Variants in POMK observed in about 807,000 individuals in gnomAD.
POMK encodes the protein Sugen kinase 196.
POMK carries 19 observed loss-of-function variants against 23.0 expected under a neutral mutation model. The observed-to-expected ratio is 0.83, with a 90% CI of 0.58 to 1.21. POMK has a LOEUF of 1.21. POMK is among the 50% of genes most tolerant of loss of function. The pLI is 0.00. For synonymous variants in POMK, 173 were observed against 171.6 expected (o/e 1.01, Z -0.06); for missense variants, 410 against 431.3 (o/e 0.95, Z 0.44).
chr8:43,122,619 C>T lies in POMK; in HGVS notation c.795C>T (p.Asp265=), dbSNP rs36071326. 4,191 of 1,614,146 alleles carry T rather than the reference C, an allele frequency of 2.6e-3. 93 individuals carry two copies. In the African/African-American group the frequency reaches 0.051, roughly 20 times the overall value. Residue 265 remains aspartate, a synonymous_variant, in exon 5 of 5, where the codon GAC becomes GAT. Coordinates refer to ENST00000331373, the MANE Select transcript of POMK (RefSeq NM_032237.5). ...AGCAACTGTGGCCCTATGGAGAGGA[C>T]GTGCCTTTCCACGATGATCTCATGC... ...APEQLWPYGE[D]VPFHDDLMPS...
intron 4 of POMK, among the ~76,000 whole-genome samples, chr8:43,120,162 G>C (rs1438330318): frequency 6.6e-6 from 1 of 151,232 alleles, no homozygotes; most frequent in Non-Finnish European, 1.5e-5. Context: ...GTTTTATGCA[G>C]TTGGAACAAT....
chr8:43,099,189 G>T (rs1811391065), intron 2 of POMK, among the ~76,000 whole-genome samples: 1 of 152,236 alleles, frequency 6.6e-6, no homozygotes, highest in African/African-American at 2.4e-5. Context: ...AGGCTCAAGC[G>T]ATCCTCCCAC....
chr8:43,119,976 A>C (rs1275024602), intron 4 of POMK, among the ~76,000 whole-genome samples: 3 of 146,734 alleles, frequency 2.0e-5, no homozygotes, highest in Admixed American at 6.8e-5. Flanking sequence ...TTTTTCTGAA[A>C]TTTTATATAT....
intron 1 of POMK, among the ~76,000 whole-genome samples, chr8:43,096,389 A>G (rs948254482): frequency 3.3e-5 from 5 of 152,156 alleles, no homozygotes; most frequent in Admixed American, 3.3e-4. Flanking sequence ...TGGGCCGGAC[A>G]TGGTGGCTCA....
intron 1 of POMK, among the ~76,000 whole-genome samples, chr8:43,096,730 T>C (rs1811343063): frequency 6.6e-6 from 1 of 152,144 alleles, no homozygotes; most frequent in South Asian, 2.1e-4. Flanking sequence ...GAAACTTCCA[T>C]GTATGCCTGG....
chr8:43,103,819 G>A lies in POMK; in HGVS notation c.271G>A (p.Ala91Thr), dbSNP rs1365587547. ...ACAGCTGAAGCGTGTTGGGGAAGGA[G>A]CTGTAAAGAGAGTGAGTCCGGGTTC... is the stretch of plus-strand genomic sequence containing the variant. The part of the protein sequence containing the change: ...VRQLKRVGEG[A>T]VKRVFLSEWK... Residue 91 changes from alanine to threonine, a missense_variant, in exon 4 of 5, where the codon GCT becomes ACT. Ala to Thr is a moderately conservative substitution (Grantham distance 58). Transcript: ENST00000331373. 1.4e-5 allele frequency: 23 copies of A among 1,614,040 alleles called. No individual in the cohort carries two copies. Among genetic ancestry groups the A allele is most frequent in the Non-Finnish European group, 1.9e-5 (23 of 1,180,008 alleles).
chr8:43,095,617 G>C (rs1811318780), intron 1 of POMK, among the ~76,000 whole-genome samples: 1 of 152,136 alleles, frequency 6.6e-6, no homozygotes, highest in Non-Finnish European at 1.5e-5. Flanking sequence ...AGTTACATGG[G>C]TCTGGTGAAT....
intron 4 of POMK, among the ~76,000 whole-genome samples, chr8:43,113,122 G>T (rs1184545212): frequency 2.0e-5 from 3 of 152,164 alleles, no homozygotes; most frequent in Non-Finnish European, 4.4e-5. Context: ...TATCTTTGTG[G>T]CATTTTCTGT....
chr8:43,119,653 C>T (rs1416352512), intron 4 of POMK, among the ~76,000 whole-genome samples: 9 of 151,968 alleles, frequency 5.9e-5, no homozygotes, highest in East Asian at 1.9e-4. Flanking sequence ...AGGCTGGTCT[C>T]GATCTCCTGA....
In POMK at chr8:43,123,046, T is replaced by G; in HGVS notation, c.*169T>G. The G allele has an allele frequency of 1.6e-6, 1 of 616,824 alleles. No homozygotes were observed. Among genetic ancestry groups the G allele is most frequent in the Non-Finnish European group, 2.8e-6 (1 of 358,566 alleles). The allele number at this position is 616,824 out of a possible 1,614,324, so 38.2% of individuals were successfully genotyped here. A position where few individuals can be genotyped will look rare whatever the true frequency, so the allele number is the denominator to read the frequency against. Reference sequence around the variant, plus strand: ...CATGTACGTTTGTATGTAGTCCACATTGGTTGTTAGATTTTTTTTTTTTTC... The same window carrying G: ...CATGTACGTTTGTATGTAGTCCACAGTGGTTGTTAGATTTTTTTTTTTTTC... On this transcript the variant is annotated 3_prime_UTR_variant, in exon 5 of 5. Transcript: ENST00000331373.
intron 4 of POMK, among the ~76,000 whole-genome samples, chr8:43,120,531 T>C: frequency 6.6e-6 from 1 of 151,990 alleles, no homozygotes; most frequent in Non-Finnish European, 1.5e-5. Context: ...GTACCATTAC[T>C]TTTATCTGTT....
In POMK at chr8:43,122,236, C is replaced by G; in HGVS notation, c.412C>G (p.Leu138Val). The change falls in exon 5 of 5, where the codon CTT becomes GTT. Residue 138 changes from leucine to valine, a missense_variant. Transcript: ENST00000331373. ...SLQGTHVVTL[L>V]GYCEDDNTML... ...CCAAGGCACACATGTTGTCACGCTG[C>G]TTGGCTATTGTGAGGATGACAACAC... The G allele has an allele frequency of 6.2e-7, 1 of 1,614,202 alleles. No homozygotes were observed. Among genetic ancestry groups the G allele is most frequent in the Non-Finnish European group, 8.5e-7 (1 of 1,180,038 alleles).
chr8:43,099,029 C>T (rs1811388244), intron 2 of POMK, among the ~76,000 whole-genome samples: 1 of 152,244 alleles, frequency 6.6e-6, no homozygotes, highest in Non-Finnish European at 1.5e-5. Flanking sequence ...TCACTGCAGC[C>T]TTGGTCTCCT....
rs1437225973 is a variant in POMK at position 43,119,341 on chromosome 8, T to TA, written c.283-2759dup. Reference sequence around the variant, plus strand: ...AGAGCGTGTGTTCAATATGAAAATTTAAAAAAATCTTGAACTTTTAGAATG... The same window carrying TA: ...AGAGCGTGTGTTCAATATGAAAATTTAAAAAAAATCTTGAACTTTTAGAATG... On this transcript the variant is annotated intron_variant, in intron 4 of 4. Transcript: ENST00000331373. Among the ~76,000 whole-genome samples, 7 of 151,890 alleles carry TA rather than the reference T, an allele frequency of 4.6e-5. No individual in the cohort carries two copies. The East Asian group carries it at 1.2e-3, about 25-fold the overall frequency.
chr8:43,112,186 G>A (rs982938474), intron 4 of POMK, among the ~76,000 whole-genome samples: 1 of 152,178 alleles, frequency 6.6e-6, no homozygotes, highest in Non-Finnish European at 1.5e-5. Context: ...TTAGACGAAT[G>A]GCTAACTAGA....
chr8:43,117,340 A>G (rs1289493753), intron 4 of POMK, among the ~76,000 whole-genome samples: 1 of 152,232 alleles, frequency 6.6e-6, no homozygotes, highest in Non-Finnish European at 1.5e-5. Flanking sequence ...AAGAAAAAAT[A>G]CATTTACTGT....
intron 2 of POMK, among the ~76,000 whole-genome samples, chr8:43,098,907 T>A (rs1445616517): frequency 6.6e-6 from 1 of 152,228 alleles, no homozygotes; most frequent in Non-Finnish European, 1.5e-5. Flanking sequence ...GTATCTACTT[T>A]GGAGAAATGT....
intron 4 of POMK, 141 bp from the exon 5 acceptor site, chr8:43,121,966 A>G (rs1476007772): frequency 1.3e-6 from 1 of 796,568 alleles, no homozygotes; most frequent in Non-Finnish European, 2.0e-6. Context: ...CTAGACGGAG[A>G]GCAACTCTAC....
intron 2 of POMK, among the ~76,000 whole-genome samples, chr8:43,099,057 C>T (rs1274331105): frequency 2.0e-5 from 3 of 152,212 alleles, no homozygotes; most frequent in African/African-American, 7.2e-5. Context: ...AATGATCCTC[C>T]CACCTCAGCC....
Sources: gnomAD v4.1 joint callset for allele counts (sites outside exome capture counted in the v4.1 genomes callset) on GRCh38, gnomAD v4.1.1 for gene constraint, MANE v1.5 for transcripts, NCBI Gene and HGNC (gene_info 2026-07-23, HGNC 2026-07-21) for gene names.